Variants in KDM1A observed in about 807,000 individuals in gnomAD.
The protein encoded by KDM1A is lysine demethylase 1A.
A neutral mutation model predicts 109.4 loss-of-function variants in KDM1A; 49 were observed. That is an observed-to-expected ratio of 0.45 (90% CI 0.36 to 0.57). The LOEUF (loss-of-function observed/expected upper bound fraction) is 0.57. KDM1A is among the 20% of genes least tolerant of loss of function. The pLI is 0.00. For missense variants in KDM1A, 668 were observed against 1,116.6 expected (o/e 0.60, Z 5.73); for synonymous variants, 380 against 415.4 (o/e 0.91, Z 1.04).
chr1:23,028,182 GTC>G (rs1641868535), intron 1 of KDM1A, among the ~76,000 whole-genome samples: 1 of 152,190 alleles, frequency 6.6e-6, no homozygotes, highest in Non-Finnish European at 1.5e-5. Context: ...GACAGGGTCT[GTC>G]TCTGTTGCTC....
intron 2 of KDM1A, 27 bp downstream of exon 2, chr1:23,030,661 C>G (rs200461127): frequency 6.7e-7 from 1 of 1,489,776 alleles, no homozygotes; most frequent in Non-Finnish European, 8.9e-7. Context: ...AACCACAGTT[C>G]TGTTTTATCT....
chr1:23,046,046 A>G (rs975888510), intron 3 of KDM1A, among the ~76,000 whole-genome samples: 8 of 152,212 alleles, frequency 5.3e-5, no homozygotes, highest in Non-Finnish European at 7.3e-5. Flanking sequence ...GAGCTAGAAG[A>G]GAACTTGAGG....
chr1:23,051,516 A>G (rs916280906), intron 4 of KDM1A, among the ~76,000 whole-genome samples: 2 of 152,192 alleles, frequency 1.3e-5, no homozygotes, highest in Non-Finnish European at 2.9e-5. Flanking sequence ...CTATGCTCCT[A>G]TAATTGGCCA....
intron 5 of KDM1A, 83 bp from the exon 6 acceptor site, chr1:23,054,986 A>G: frequency 3.5e-6 from 3 of 862,174 alleles, no homozygotes; most frequent in Admixed American, 2.3e-5. Context: ...TAAGGACTTC[A>G]TGATGGAGAA....
chr1:23,025,777 G>A (rs576187372), intron 1 of KDM1A, among the ~76,000 whole-genome samples: 2 of 151,918 alleles, frequency 1.3e-5, no homozygotes, highest in East Asian at 1.9e-4. Context: ...TTTTTTACTC[G>A]TGTGTTAGTG....
intron 2 of KDM1A, among the ~76,000 whole-genome samples, chr1:23,032,065 T>A (rs1642000361): frequency 6.6e-6 from 1 of 152,180 alleles, no homozygotes; most frequent in African/African-American, 2.4e-5. Context: ...GCTCTTTTCT[T>A]CTGTGTTCTT....
chr1:23,047,197 CA>C (rs139448894), intron 3 of KDM1A, among the ~76,000 whole-genome samples: 1,925 of 152,132 alleles, frequency 0.013, 54 homozygotes, highest in African/African-American at 0.044. Flanking sequence ...AATTAACATA[CA>C]TTTTTTTTTT....
intron 2 of KDM1A, among the ~76,000 whole-genome samples, chr1:23,034,625 T>G (rs1257109419): frequency 6.6e-6 from 1 of 152,156 alleles, no homozygotes; most frequent in Non-Finnish European, 1.5e-5. Context: ...GAAACATGAC[T>G]CCATTTTTTT....
At chr1:23,045,669 C>CTT (rs1334438269) in intron 3 of KDM1A, among the ~76,000 whole-genome samples, 1 of 151,342 alleles carries the variant, frequency 6.6e-6, no homozygotes, top group African/African-American at 2.4e-5. Flanking sequence ...TTTTTTGTTT[C>CTT]TGTTTTTTTT....
In KDM1A at chr1:23,079,408, A is replaced by T; in HGVS notation, c.2056-145A>T. 2.8e-6 allele frequency: 2 copies of T among 720,228 alleles called. No homozygotes were observed. The highest frequency in any genetic ancestry group is 4.6e-6 in the Non-Finnish European group (2 of 432,784). The allele number at this position is 720,228 out of a possible 1,614,324, so 44.6% of individuals were successfully genotyped here. A position where few individuals can be genotyped will look rare whatever the true frequency, so the allele number is the denominator to read the frequency against. ...GTCATTTCACAAACTCAGGCCTATA[A>T]AAAGGGGATCGTAAATGTCATCCTA... On this transcript the variant is annotated intron_variant, in intron 17 of 20. Transcript: ENST00000400181. The surrounding 1 kb of genome is among the most constrained non-coding windows in gnomAD (Gnocchi z 5.6).
intron 9 of KDM1A, among the ~76,000 whole-genome samples, chr1:23,065,522 A>T (rs1305159035): frequency 2.0e-5 from 3 of 152,230 alleles, no homozygotes; most frequent in Non-Finnish European, 2.9e-5. Context: ...TTTCAAAGCT[A>T]TCCCTGGCTG....
intron 6 of KDM1A, 56 bp downstream of exon 6, chr1:23,055,217 A>T (rs1642795578): frequency 1.0e-6 from 1 of 981,652 alleles, no homozygotes; most frequent in Admixed American, 2.2e-5. Context: ...CGGTTTCAGG[A>T]CTGTATTTTA....
chr1:23,073,587 C>A (rs970003694), intron 15 of KDM1A, among the ~76,000 whole-genome samples, 184 bp downstream of exon 15: 2 of 152,214 alleles, frequency 1.3e-5, no homozygotes, highest in Admixed American at 1.3e-4. Flanking sequence ...TAAGCCCCCA[C>A]ACAATCAGAA....
intron 5 of KDM1A, among the ~76,000 whole-genome samples, chr1:23,054,073 C>A (rs1642752033): frequency 6.6e-6 from 1 of 152,144 alleles, no homozygotes; most frequent in African/African-American, 2.4e-5. Flanking sequence ...AAGTACTCTT[C>A]CTAGACCTGT....
chr1:23,036,407 A>G (rs996821011), intron 2 of KDM1A, among the ~76,000 whole-genome samples: 3 of 151,972 alleles, frequency 2.0e-5, no homozygotes, highest in African/African-American at 7.3e-5. Flanking sequence ...TGATGCATAC[A>G]TTCAGAAAAT....
intron 4 of KDM1A, 70 bp from the exon 5 acceptor site, chr1:23,053,691 A>G (rs1642739536): frequency 9.3e-7 from 1 of 1,075,858 alleles, no homozygotes; most frequent in African/African-American, 1.6e-5. Flanking sequence ...CAGCTAAAAG[A>G]TGATTTTAAA....
Position 23,042,440 on chromosome 1 carries a change from A to ATTATTATTATTATTATT in KDM1A, c.518-1985_518-1984insATTATTATTATTATTTT, listed in dbSNP as rs1553127465. Among the ~76,000 whole-genome samples, 90 of 21,560 alleles carry ATTATTATTATTATTATT rather than the reference A, an allele frequency of 4.2e-3. 4 individuals carry two copies. Among genetic ancestry groups the ATTATTATTATTATTATT allele is most frequent in the Non-Finnish European group, 6.2e-3 (69 of 11,118 alleles). 14.1% of individuals were successfully genotyped at this position (21,560 alleles called of 152,430 possible). ...TTTTTAAAAATCTATGAAATATATT[A>ATTATTATTATTATTATT]TTTTTTTTTTTTTTTTTTTTTTTTT... On this transcript the variant is annotated intron_variant, in intron 2 of 20. Transcript: ENST00000400181.
intron 20 of KDM1A, chr1:23,082,816 G>C (rs887890167): frequency 5.3e-5 from 11 of 209,470 alleles, no homozygotes; most frequent in Non-Finnish European, 8.8e-5. Flanking sequence ...GACCTGCTGA[G>C]CTGCGAGGCT....
chr1:23,082,113 C>T (rs1643636810), intron 19 of KDM1A, 107 bp from the exon 20 acceptor site: 1 of 1,213,484 alleles, frequency 8.2e-7, no homozygotes. Context: ...CATGTTGCCC[C>T]TCTTTCTCTT....
Sources: gnomAD v4.1 joint callset for allele counts (sites outside exome capture counted in the v4.1 genomes callset) on GRCh38, gnomAD v4.1.1 for gene constraint, Gnocchi (gnomAD v3.1) non-coding constraint, MANE v1.5 for transcripts, NCBI Gene and HGNC (gene_info 2026-07-23, HGNC 2026-07-21) for gene names.